Variants in TENM2 observed in about 807,000 individuals in gnomAD.
TENM2 encodes teneurin transmembrane protein 2.
Under a neutral mutation model 245.2 loss-of-function variants are expected in TENM2, and 52 were observed. The ratio of observed to expected loss-of-function variants is 0.21; its 90% CI spans 0.17 to 0.27. TENM2 has a LOEUF of 0.27. TENM2 is among the 10% of genes least tolerant of loss of function. The pLI is 1.00. For synonymous variants in TENM2, 1,363 were observed against 1,438.9 expected, an observed-to-expected ratio of 0.95 and a Z score of 1.19; for missense variants, 3,046 against 3,666.8, an observed-to-expected ratio of 0.83 and a Z score of 4.37.
chr5:167,935,550 T>C (rs1583418564), intron 3 of TENM2, among the ~76,000 whole-genome samples: 2 of 152,166 alleles, frequency 1.3e-5, no homozygotes, highest in Non-Finnish European at 1.5e-5. Flanking sequence ...CAGTCCCTTG[T>C]GCAAAAGGAT....
chr5:168,003,835 G>A (rs3909404), intron 5 of TENM2, among the ~76,000 whole-genome samples: 8,007 of 152,232 alleles, frequency 0.053, 354 homozygotes, highest in African/African-American at 0.11. Context: ...CCTAATAGAC[G>A]AGAGTAATGT....
chr5:167,696,031 CAAAAAAAAACAAAAAAACA>C, intron 2 of TENM2, among the ~76,000 whole-genome samples: 1 of 123,076 alleles, frequency 8.1e-6, no homozygotes, highest in Non-Finnish European at 1.7e-5. Flanking sequence ...AAGACTCCGT[CAAAAAAAAACAAAAAAACA>C]AAAAAAAAAC....
chr5:167,238,487 G>A, the TENM2 span, among the ~76,000 whole-genome samples: 2 of 152,150 alleles, frequency 1.3e-5, no homozygotes, highest in East Asian at 1.9e-4. Context: ...AGACCTAAGA[G>A]AGAGTGTTCT....
the TENM2 span, among the ~76,000 whole-genome samples, chr5:167,057,494 T>A: frequency 3.2e-4 from 48 of 152,174 alleles, no homozygotes; most frequent in Non-Finnish European, 5.7e-4. Context: ...GAGAGGGGTG[T>A]TTTATATTCT....
At chr5:168,051,637 A>G (rs1231495032) in intron 6 of TENM2, among the ~76,000 whole-genome samples, 3 of 152,202 alleles carry the variant, frequency 2.0e-5, no homozygotes, top group African/African-American at 7.2e-5. Flanking sequence ...GTAACTTTGC[A>G]TTGGAAGATG....
At chr5:168,002,362 T>G (rs755166391) in intron 5 of TENM2, among the ~76,000 whole-genome samples, 1 of 152,266 alleles carries the variant, frequency 6.6e-6, no homozygotes, top group Non-Finnish European at 1.5e-5. Context: ...GATGCAATTC[T>G]CTCAGTTTGC....
the TENM2 span, among the ~76,000 whole-genome samples, chr5:167,264,540 T>A: frequency 6.6e-6 from 1 of 152,196 alleles, no homozygotes; most frequent in East Asian, 1.9e-4. Context: ...TTGTGTCACA[T>A]TGTCCATTCT....
chr5:167,972,835 C>T (rs1054835125), intron 4 of TENM2, among the ~76,000 whole-genome samples: 4 of 151,990 alleles, frequency 2.6e-5, no homozygotes, highest in Non-Finnish European at 5.9e-5. Context: ...CCTAGAAATG[C>T]CAATACCTCT....
intron 9 of TENM2, among the ~76,000 whole-genome samples, chr5:168,098,451 C>T (rs909281155): frequency 6.6e-6 from 1 of 152,118 alleles, no homozygotes; most frequent in East Asian, 1.9e-4. Context: ...TCATTAACTT[C>T]TATGTAATGG....
At chr5:167,390,783 G>A (rs1009119148) in intron 2 of TENM2, among the ~76,000 whole-genome samples, 2 of 152,160 alleles carry the variant, frequency 1.3e-5, no homozygotes, top group Non-Finnish European at 2.9e-5. Context: ...GAGAGTACAG[G>A]TTGTCTTCCA....
chr5:167,735,675 G>A (rs2150572457), intron 2 of TENM2, among the ~76,000 whole-genome samples: 1 of 152,182 alleles, frequency 6.6e-6, no homozygotes, highest in African/African-American at 2.4e-5. Context: ...GCATGTTGGT[G>A]CACACCTGTG....
At chr5:167,156,267 T>A in the TENM2 span, among the ~76,000 whole-genome samples, 1,130 of 152,248 alleles carry the variant, frequency 7.4e-3, 15 homozygotes, top group African/African-American at 0.025. Context: ...GTAAGATAAG[T>A]TTCAGGCTTG....
intron 5 of TENM2, among the ~76,000 whole-genome samples, chr5:168,018,405 T>A (rs997147595): frequency 4.6e-5 from 7 of 152,190 alleles, no homozygotes; most frequent in African/African-American, 1.7e-4. Flanking sequence ...TTTCTTTTTT[T>A]TTCATAAGGA....
intron 5 of TENM2, among the ~76,000 whole-genome samples, chr5:167,996,363 A>G (rs866176367): frequency 4.6e-5 from 7 of 152,158 alleles, no homozygotes; most frequent in African/African-American, 1.7e-4. Context: ...GCGTACAAAC[A>G]TCCTGGAATA....
At chr5:167,375,338 A>C in exon 2 of TENM2, 1 of 1,551,602 alleles carries the variant, frequency 6.4e-7, no homozygotes, top group East Asian at 2.4e-5. Context: ...CGAGGGAGGG[A>C]TGTCTCCAGA....
At chr5:167,570,919 G>C (rs1325063435) in intron 2 of TENM2, among the ~76,000 whole-genome samples, 1 of 152,130 alleles carries the variant, frequency 6.6e-6, no homozygotes, top group Non-Finnish European at 1.5e-5. Context: ...TTTGGAGAAA[G>C]GGCTTGCTTC....
chr5:167,897,910 TGCATC>T (rs1775355725), intron 3 of TENM2, among the ~76,000 whole-genome samples: 1 of 97,038 alleles, frequency 1.0e-5, no homozygotes. Flanking sequence ...TTTTTTTTTT[TGCATC>T]TGCTGGGCAC....
intron 2 of TENM2, among the ~76,000 whole-genome samples, chr5:167,402,187 T>C (rs891739501): frequency 3.9e-5 from 6 of 152,182 alleles, no homozygotes; most frequent in Non-Finnish European, 7.4e-5. Flanking sequence ...AGATTCTCCT[T>C]GGTCACCAGT....
chr5:168,167,647 C>T (rs1043088263), intron 13 of TENM2, among the ~76,000 whole-genome samples: 3 of 152,162 alleles, frequency 2.0e-5, no homozygotes, highest in African/African-American at 4.8e-5. Context: ...CCCCTCGTTC[C>T]GTTTCAACAC....
Sources: gnomAD v4.1 joint callset for allele counts (sites outside exome capture counted in the v4.1 genomes callset) on GRCh38, gnomAD v4.1.1 for gene constraint, MANE v1.5 for transcripts, NCBI Gene and HGNC (gene_info 2026-07-23, HGNC 2026-07-21) for gene names.